MSRB3: variants seen among roughly 807,000 people sequenced by gnomAD.
MSRB3 encodes methionine sulfoxide reductase B3, also known as methionine-R-sulfoxide reductase B3.
MSRB3 carries 13 observed loss-of-function variants against 21.0 expected under a neutral mutation model. That is an observed-to-expected ratio of 0.62 (90% confidence interval 0.40 to 0.98). The LOEUF (loss-of-function observed/expected upper bound fraction) is 0.98, where lower values mean the gene tolerates loss of function less well. MSRB3 is among the 50% of genes least tolerant of loss of function. The pLI is 0.00. For synonymous variants in MSRB3, 87 were observed against 88.6 expected (o/e 0.98, Z 0.10); for missense variants, 199 against 230.3 (o/e 0.86, Z 0.88).
rs984560616 is a variant in MSRB3, at chr12:65,323,758, G to A, written c.77-3068G>A. ...TGACTTTAGAAAAGTGAGTCTGATA[G>A]GGAGAAGGGAAATAAGAGACAAAAG... On this transcript the variant is annotated intron_variant, in intron 2 of 6. Coordinates refer to ENST00000308259, the MANE Select transcript of MSRB3 (RefSeq NM_001031679.3). Among the ~76,000 whole-genome samples the A allele has an allele frequency of 3.9e-5, 6 of 152,254 alleles. 2 individuals carry two copies. In the Middle Eastern group the frequency reaches 0.01, roughly 259 times the overall value.
At chr12:65,462,327 G>C (rs780749449) in intron 6 of MSRB3, among the ~76,000 whole-genome samples, 2 of 152,094 alleles carry the variant, frequency 1.3e-5, no homozygotes, top group Non-Finnish European at 2.9e-5. Flanking sequence ...TTAGTGTAGG[G>C]GTGTTCACTG....
At chr12:65,412,329 A>G (rs1216343922) in intron 5 of MSRB3, among the ~76,000 whole-genome samples, 1 of 152,160 alleles carries the variant, frequency 6.6e-6, no homozygotes, top group Non-Finnish European at 1.5e-5. Flanking sequence ...TAATAGAAGA[A>G]TAAGTAGTTA....
intron 1 of MSRB3, among the ~76,000 whole-genome samples, chr12:65,287,482 G>T (rs1242846030): frequency 6.6e-6 from 1 of 152,114 alleles, no homozygotes; most frequent in Non-Finnish European, 1.5e-5. Context: ...TTTGGTTGGG[G>T]TTGAGAGAGA....
chr12:65,289,619 A>G (rs1872567698), intron 1 of MSRB3, among the ~76,000 whole-genome samples: 1 of 152,192 alleles, frequency 6.6e-6, no homozygotes, highest in Non-Finnish European at 1.5e-5. Flanking sequence ...GGTAAAGTAC[A>G]TGTCATGGGA....
Position 65,374,887 on chromosome 12 carries a change from TC to T in MSRB3, c.292+5862del, listed in dbSNP as rs2136544815. 2.0e-5 allele frequency among the ~76,000 whole-genome samples: 3 copies of T among 152,304 alleles called. No individual in the cohort carries two copies. In the East Asian group the frequency reaches 5.8e-4, roughly 29 times the overall value. On this transcript the variant is annotated intron_variant, in intron 5 of 6. Transcript: ENST00000308259. ...TTTTTTGAGACGGAGTCTTGCTCTG[TC>T]GCCCAGGCTGGAGTGCAGTGGCGCG...
intron 5 of MSRB3, among the ~76,000 whole-genome samples, chr12:65,434,215 G>C (rs1882016147): frequency 6.6e-6 from 1 of 151,806 alleles, no homozygotes; most frequent in Non-Finnish European, 1.5e-5. Context: ...TTCATTTCAA[G>C]TTCTTGACTC....
intron 1 of MSRB3, among the ~76,000 whole-genome samples, chr12:65,299,472 G>C (rs1241158281): frequency 6.6e-6 from 1 of 152,216 alleles, no homozygotes; most frequent in Non-Finnish European, 1.5e-5. Flanking sequence ...TCTCAGGAGG[G>C]AAGAGGAAAT....
chr12:65,313,622 A>G (rs1592514598), intron 2 of MSRB3, among the ~76,000 whole-genome samples: 2 of 152,178 alleles, frequency 1.3e-5, no homozygotes. Context: ...CATGAACCCA[A>G]TCTAAAACTC....
At chr12:65,290,467 A>C (rs535900024) in intron 1 of MSRB3, among the ~76,000 whole-genome samples, 94 of 152,318 alleles carry the variant, frequency 6.2e-4, no homozygotes, top group Non-Finnish European at 1.2e-3. Context: ...GAATGGCCCT[A>C]GTGTGATGTT....
intron 5 of MSRB3, among the ~76,000 whole-genome samples, chr12:65,405,986 A>G (rs549837767): frequency 7.9e-5 from 12 of 152,120 alleles, no homozygotes; most frequent in Non-Finnish European, 1.6e-4. Context: ...CTTATCAGAT[A>G]TAAAATTTGT....
chr12:65,454,180 AG>A (rs11326926), intron 6 of MSRB3: 493,118 of 493,122 alleles, frequency 1, 246,557 homozygotes, highest in Middle Eastern at 1. Flanking sequence ...CTAGCTACTC[AG>A]GGGGGCTGAA....
At chr12:65,293,701 T>G (rs1397812535) in intron 1 of MSRB3, among the ~76,000 whole-genome samples, 1 of 152,194 alleles carries the variant, frequency 6.6e-6, no homozygotes, top group African/African-American at 2.4e-5. Context: ...ACTGCACTTG[T>G]TCATAATGTC....
intron 1 of MSRB3, among the ~76,000 whole-genome samples, chr12:65,304,290 A>T (rs753526259): frequency 1.3e-5 from 2 of 152,190 alleles, no homozygotes; most frequent in South Asian, 2.1e-4. Context: ...GAACCCTGTG[A>T]TATACAAGGG....
intron 5 of MSRB3, among the ~76,000 whole-genome samples, chr12:65,400,071 G>A (rs928145524): frequency 6.6e-6 from 1 of 151,974 alleles, no homozygotes; most frequent in Non-Finnish European, 1.5e-5. Flanking sequence ...TTCTTTTTTT[G>A]TTGTGTCTCT....
chr12:65,324,519 T>G (rs17178006), intron 2 of MSRB3, among the ~76,000 whole-genome samples: 9,670 of 152,238 alleles, frequency 0.064, 415 homozygotes, highest in Non-Finnish European at 0.1. Context: ...TAGTAAAGCT[T>G]TTATGTTTGT....
At position 65,418,747 on chromosome 12, in the gene MSRB3, T is replaced by C. The variant is rs199674616; in HGVS notation, c.293-34981T>C. On this transcript the variant is annotated intron_variant, in intron 5 of 6. Transcript: ENST00000308259. ...TTAATGTCTCAGAACTTTGGTGTCATTGATCTCAGACACCACTTTGCCATC... is the reference window on the plus strand; with the variant it reads ...TTAATGTCTCAGAACTTTGGTGTCACTGATCTCAGACACCACTTTGCCATC... The C allele has an allele frequency of 1.2e-4, 109 of 928,284 alleles. No homozygotes were observed. The East Asian group carries it at 2.5e-3, about 22-fold the overall frequency. The allele number at this position is 928,284 out of a possible 1,614,324, so 57.5% of individuals were successfully genotyped here. A position where few individuals can be genotyped will look rare whatever the true frequency, so the allele number is the denominator to read the frequency against.
At chr12:65,347,832 A>T (rs964657951) in intron 4 of MSRB3, among the ~76,000 whole-genome samples, 5 of 152,126 alleles carry the variant, frequency 3.3e-5, no homozygotes, top group Non-Finnish European at 7.3e-5. Context: ...TTCTGCATCT[A>T]TTGAGATAAT....
intron 1 of MSRB3, among the ~76,000 whole-genome samples, chr12:65,294,395 G>C (rs114862496): frequency 6.6e-4 from 101 of 152,274 alleles, no homozygotes; most frequent in African/African-American, 2.4e-3. Flanking sequence ...CTTCAATATA[G>C]CCTCTCTGCA....
intron 4 of MSRB3, among the ~76,000 whole-genome samples, chr12:65,363,573 T>C (rs747448394): frequency 6.6e-6 from 1 of 152,212 alleles, no homozygotes; most frequent in Non-Finnish European, 1.5e-5. Flanking sequence ...CATTTTCATG[T>C]TTAAAAATTT....
Sources: allele counts gnomAD v4.1 joint callset (sites outside exome capture counted in the v4.1 genomes callset), GRCh38; gene constraint gnomAD v4.1.1; transcripts MANE v1.5; gene names NCBI Gene and HGNC (gene_info 2026-07-23, HGNC 2026-07-21).